Variants in FAM81A observed in about 807,000 individuals in gnomAD.
The protein encoded by FAM81A is family with sequence similarity 81 member A.
In FAM81A, 19 loss-of-function variants were observed where a neutral mutation model predicts 46.7. The observed-to-expected ratio is 0.41, with a 90% CI of 0.28 to 0.60. The LOEUF is 0.60. Ranked by LOEUF, FAM81A falls within the 20% of genes least tolerant of loss-of-function variation. FAM81A has a pLI of 0.34. For missense variants in FAM81A, 377 were observed against 453.5 expected (o/e 0.83, Z 1.53); for synonymous variants, 183 against 152.9 (o/e 1.20, Z -1.45).
intron 3 of FAM81A, among the ~76,000 whole-genome samples, chr15:59,463,796 A>T (rs1302551266): frequency 6.6e-6 from 1 of 152,132 alleles, no homozygotes; most frequent in Non-Finnish European, 1.5e-5. Context: ...TTTTGGTTTT[A>T]TTAATTTTGT....
intron 3 of FAM81A, among the ~76,000 whole-genome samples, chr15:59,483,195 G>A (rs897515680): frequency 4.6e-5 from 7 of 151,966 alleles, no homozygotes; most frequent in African/African-American, 9.7e-5. Context: ...GTGCCATCAC[G>A]CCTGACTAAT....
chr15:59,433,140 C>CAAACAA (rs2081228342), intron 2 of FAM81A, among the ~76,000 whole-genome samples: 1 of 42,450 alleles, frequency 2.4e-5, no homozygotes, highest in Non-Finnish European at 4.1e-5. Context: ...GACTCCGTCT[C>CAAACAA]AAAAAAAAAA....
At position 59,460,824 on chromosome 15, in the gene FAM81A, T is replaced by C. The variant is rs1386407921; in HGVS notation, c.294+618T>C. 6.6e-6 allele frequency among the ~76,000 whole-genome samples: 1 copy of C among 152,188 alleles called. No homozygotes were observed. The highest frequency in any genetic ancestry group is 2.4e-5 in the African/African-American group (1 of 41,442). On this transcript the variant is annotated intron_variant, in intron 3 of 8. Transcript: ENST00000288228. This position sits in a 1 kb window ranked among gnomAD's most constrained non-coding sequence, Gnocchi z 4.4. The stretch of plus-strand genomic sequence containing the variant: ...CTTCAGATCATTTAGGGCTTGGGTT[T>C]CCCTCACTACGCAATGTTCATATCT...
intron 3 of FAM81A, among the ~76,000 whole-genome samples, chr15:59,468,087 G>C (rs1454325342): frequency 6.6e-6 from 1 of 152,128 alleles, no homozygotes; most frequent in Admixed American, 6.5e-5. Flanking sequence ...TAAGCTTTTT[G>C]ATGTGCTGCT....
chr15:59,426,753 C>T (rs554315857), intron 2 of FAM81A, among the ~76,000 whole-genome samples: 1 of 152,222 alleles, frequency 6.6e-6, no homozygotes, highest in Non-Finnish European at 1.5e-5. Flanking sequence ...ATTTAGTTCT[C>T]CAACACGCCT....
At chr15:59,483,258 C>T (rs1017440957) in intron 3 of FAM81A, among the ~76,000 whole-genome samples, 8 of 151,980 alleles carry the variant, frequency 5.3e-5, no homozygotes, top group African/African-American at 1.7e-4. Context: ...AGGCTGGTCT[C>T]GAACTCCTGA....
At chr15:59,495,771 T>C (rs2082026862) in intron 4 of FAM81A, among the ~76,000 whole-genome samples, 1 of 152,218 alleles carries the variant, frequency 6.6e-6, no homozygotes, top group Non-Finnish European at 1.5e-5. Context: ...GGACTAATGG[T>C]GTTGAACATC....
intron 4 of FAM81A, among the ~76,000 whole-genome samples, chr15:59,494,753 G>A (rs2082016541): frequency 6.6e-6 from 1 of 152,078 alleles, no homozygotes; most frequent in South Asian, 2.1e-4. Flanking sequence ...TGTATTGGAG[G>A]GGTATGAACA....
At chr15:59,403,490 G>A (rs1438286066) in intron 2 of FAM81A, among the ~76,000 whole-genome samples, 1 of 152,206 alleles carries the variant, frequency 6.6e-6, no homozygotes, top group African/African-American at 2.4e-5. Context: ...AATCCCACTG[G>A]CACCTTGGTC....
chr15:59,448,780 A>C (rs1343115353), intron 1 of FAM81A, among the ~76,000 whole-genome samples: 1 of 152,026 alleles, frequency 6.6e-6, no homozygotes, highest in African/African-American at 2.4e-5. Flanking sequence ...TAGGCTCCTG[A>C]GTATCTTGGA....
At chr15:59,465,880 G>A (rs776105191) in intron 3 of FAM81A, among the ~76,000 whole-genome samples, 30 of 152,168 alleles carry the variant, frequency 2.0e-4, no homozygotes, top group Admixed American at 7.2e-4. Context: ...GGTGTGTGAT[G>A]TTCCCTGCCA....
intron 2 of FAM81A, among the ~76,000 whole-genome samples, chr15:59,429,084 T>A (rs1193818634): frequency 6.6e-6 from 1 of 152,248 alleles, no homozygotes; most frequent in Non-Finnish European, 1.5e-5. Context: ...TAGCTGGGTG[T>A]AGAATTCTTG....
intron 7 of FAM81A, among the ~76,000 whole-genome samples, chr15:59,515,386 C>G (rs1047144149): frequency 2.8e-4 from 42 of 152,282 alleles, no homozygotes; most frequent in African/African-American, 8.9e-4. Flanking sequence ...ACTGTTTCCT[C>G]TTGTTGGATA....
At chr15:59,405,619 C>T (rs887434862) in intron 2 of FAM81A, among the ~76,000 whole-genome samples, 4 of 148,916 alleles carry the variant, frequency 2.7e-5, no homozygotes, top group African/African-American at 7.3e-5. Context: ...CCAGCCTGGG[C>T]GACAGAGTGA....
chr15:59,501,864 C>G (rs1342440620), intron 4 of FAM81A, among the ~76,000 whole-genome samples: 2 of 152,142 alleles, frequency 1.3e-5, no homozygotes, highest in African/African-American at 2.4e-5. Flanking sequence ...TCTTGTTTAA[C>G]TAAAGCTGTT....
intron 3 of FAM81A, among the ~76,000 whole-genome samples, chr15:59,463,599 T>C (rs113884410): frequency 6.6e-6 from 1 of 152,022 alleles, no homozygotes; most frequent in African/African-American, 2.4e-5. Context: ...TCCCAGCACT[T>C]TGGGAGGCAG....
At chr15:59,452,310 A>G (rs1307929149) in intron 1 of FAM81A, among the ~76,000 whole-genome samples, 1 of 152,242 alleles carries the variant, frequency 6.6e-6, no homozygotes, top group Non-Finnish European at 1.5e-5. Flanking sequence ...CTGGCTAACA[A>G]TTATGGGAGA....
Position 59,480,351 on chromosome 15 carries a change from C to T in FAM81A, c.295-11920C>T, listed in dbSNP as rs1375895871. Among the ~76,000 whole-genome samples, 4 of 152,114 alleles carry T rather than the reference C, an allele frequency of 2.6e-5. No individual in the cohort carries two copies. In the East Asian group the frequency reaches 7.7e-4, roughly 29 times the overall value. ...TGGAGAGCTGTTTCTTTCCTGGTTC[C>T]TGGCAACGCTGGCCTGTCTGGGGGG... On this transcript the variant is annotated intron_variant, in intron 3 of 8. Transcript: ENST00000288228.
At chr15:59,435,371 G>A (rs2081238746), upstream of FAM81A, among the ~76,000 whole-genome samples, 2 of 152,214 alleles carry the variant, frequency 1.3e-5, no homozygotes, top group Admixed American at 1.3e-4. Flanking sequence ...TGTAATCCCA[G>A]CACCTGGGGA....
Sources: gnomAD v4.1 joint callset for allele counts (sites outside exome capture counted in the v4.1 genomes callset) on GRCh38, gnomAD v4.1.1 for gene constraint, Gnocchi (gnomAD v3.1) non-coding constraint, MANE v1.5 for transcripts, NCBI Gene and HGNC (gene_info 2026-07-23, HGNC 2026-07-21) for gene names.